BRINP3: variants seen among roughly 807,000 people sequenced by gnomAD.
The protein encoded by BRINP3 is BMP/retinoic acid-inducible neural-specific protein 3.
Under a neutral mutation model 71.0 loss-of-function variants are expected in BRINP3, and 19 were observed. The observed-to-expected ratio is 0.27, with a 90% CI of 0.19 to 0.39. The LOEUF (loss-of-function observed/expected upper bound fraction) is 0.39. Among genes scored for constraint, BRINP3 ranks in the 10% least tolerant of loss-of-function variants. BRINP3 has a pLI of 1.00. For missense variants in BRINP3, 959 were observed against 940.8 expected, an observed-to-expected ratio of 1.02 and a Z score of -0.25; for synonymous variants, 380 against 337.7, an observed-to-expected ratio of 1.13 and a Z score of -1.37.
At chr1:190,387,249 T>C (rs902219375) in intron 2 of BRINP3, among the ~76,000 whole-genome samples, 1 of 152,026 alleles carries the variant, frequency 6.6e-6, no homozygotes, top group Non-Finnish European at 1.5e-5. Flanking sequence ...TTTTTGGATA[T>C]AATTGCTAGA....
intron 2 of BRINP3, among the ~76,000 whole-genome samples, chr1:190,380,455 G>T (rs374630768): frequency 3.3e-5 from 5 of 152,158 alleles, no homozygotes; most frequent in Non-Finnish European, 7.4e-5. Flanking sequence ...TGGAATGGAC[G>T]TCTGAAGGGA....
At chr1:190,375,833 T>A in intron 2 of BRINP3, among the ~76,000 whole-genome samples, 1 of 151,988 alleles carries the variant, frequency 6.6e-6, no homozygotes, top group Non-Finnish European at 1.5e-5. Context: ...TTTTCACTAT[T>A]TTGAGGACAT....
intron 2 of BRINP3, among the ~76,000 whole-genome samples, chr1:190,405,825 G>C (rs1165104540): frequency 2.0e-5 from 3 of 152,158 alleles, no homozygotes; most frequent in Non-Finnish European, 4.4e-5. Context: ...AACTGTGTAA[G>C]AACAGACAAG....
intron 2 of BRINP3, among the ~76,000 whole-genome samples, chr1:190,361,889 C>T (rs909584732): frequency 2.6e-5 from 4 of 151,976 alleles, no homozygotes; most frequent in South Asian, 2.1e-4. Flanking sequence ...TCCCAAAATT[C>T]GTATGTTGAA....
intron 7 of BRINP3, among the ~76,000 whole-genome samples, chr1:190,132,029 G>T (rs182904122): frequency 6.6e-6 from 1 of 151,972 alleles, no homozygotes; most frequent in African/African-American, 2.4e-5. Context: ...TGAAATGAAA[G>T]TTTGCCAATT....
chr1:190,276,446 A>G (rs2102916740), intron 3 of BRINP3, among the ~76,000 whole-genome samples: 1 of 151,798 alleles, frequency 6.6e-6, no homozygotes, highest in East Asian at 1.9e-4. Context: ...TTAAATGAGC[A>G]TATTCAGAGT....
At chr1:190,373,998 C>A (rs1183689345) in intron 2 of BRINP3, among the ~76,000 whole-genome samples, 2 of 151,228 alleles carry the variant, frequency 1.3e-5, no homozygotes, top group African/African-American at 2.4e-5. Flanking sequence ...GGGTTTGAAT[C>A]CTAAAGTGGG....
chr1:190,225,966 T>C (rs900045294), intron 6 of BRINP3, 116 bp downstream of exon 6: 8 of 713,848 alleles, frequency 1.1e-5, no homozygotes, highest in Middle Eastern at 3.9e-4. Flanking sequence ...TTTGAAAGAA[T>C]AAAAAAATGA....
At chr1:190,453,201 GTATTTTTTT>G (rs1675742168) in intron 2 of BRINP3, among the ~76,000 whole-genome samples, 2 of 37,856 alleles carry the variant, frequency 5.3e-5, no homozygotes, top group Admixed American at 2.9e-4. Context: ...AAAAACTTTA[GTATTTTTTT>G]TTTTTTTTTT....
chr1:190,140,960 AT>A lies in BRINP3; in HGVS notation c.1184+19707del, dbSNP rs199697647. ...GGGAAAACTTACAAACAGAGAGGCT[AT>A]TTTTTAAAATCTTTGATGCTAATTC... On this transcript the variant is annotated intron_variant, in intron 7 of 7. Transcript: ENST00000367462. Among the ~76,000 whole-genome samples the A allele has an allele frequency of 1.3e-4, 20 of 152,122 alleles. 1 individual carries two copies. Among genetic ancestry groups the A allele is most frequent in the African/African-American group, 4.8e-4 (20 of 41,412 alleles).
At chr1:190,182,879 A>G (rs1051347181) in intron 6 of BRINP3, among the ~76,000 whole-genome samples, 2 of 152,126 alleles carry the variant, frequency 1.3e-5, no homozygotes, top group Non-Finnish European at 2.9e-5. Context: ...TGAGGGATAC[A>G]CTTCTTCCTT....
At chr1:190,453,638 C>T (rs1447985913) in intron 2 of BRINP3, among the ~76,000 whole-genome samples, 5 of 152,102 alleles carry the variant, frequency 3.3e-5, no homozygotes, top group African/African-American at 4.8e-5. Context: ...TTGTGTGGTG[C>T]TTCATGGAAC....
chr1:190,405,712 C>A (rs1266225029), intron 2 of BRINP3, among the ~76,000 whole-genome samples: 4 of 152,054 alleles, frequency 2.6e-5, no homozygotes, highest in Admixed American at 2.0e-4. Context: ...CAAAAACACA[C>A]AATAATATTG....
chr1:190,177,902 T>G (rs1156686109), intron 6 of BRINP3, among the ~76,000 whole-genome samples: 1 of 152,202 alleles, frequency 6.6e-6, no homozygotes, highest in Non-Finnish European at 1.5e-5. Context: ...GTACTGTACA[T>G]GTACAAACTT....
intron 2 of BRINP3, among the ~76,000 whole-genome samples, chr1:190,412,029 G>C (rs1384913330): frequency 6.6e-6 from 1 of 152,038 alleles, no homozygotes; most frequent in Non-Finnish European, 1.5e-5. Context: ...TGTAACCTAT[G>C]TTTGACATGC....
At chr1:190,181,499 T>G (rs1276083154) in intron 6 of BRINP3, among the ~76,000 whole-genome samples, 1 of 152,060 alleles carries the variant, frequency 6.6e-6, no homozygotes, top group African/African-American at 2.4e-5. Context: ...TAAAATTTTC[T>G]TAAAATTTTA....
chr1:190,141,159 A>G (rs2102388679), intron 7 of BRINP3, among the ~76,000 whole-genome samples: 2 of 152,234 alleles, frequency 1.3e-5, no homozygotes, highest in Middle Eastern at 6.8e-3. Flanking sequence ...ATACTCTTGC[A>G]GACTGTACCT....
At chr1:190,412,795 T>C (rs994158596) in intron 2 of BRINP3, among the ~76,000 whole-genome samples, 12 of 152,198 alleles carry the variant, frequency 7.9e-5, no homozygotes, top group African/African-American at 2.6e-4. Context: ...AACCACACTA[T>C]ACATTTTTGG....
chr1:190,241,793 A>G (rs968080041), intron 4 of BRINP3, among the ~76,000 whole-genome samples: 7 of 151,810 alleles, frequency 4.6e-5, no homozygotes, highest in Non-Finnish European at 8.8e-5. Context: ...GTTACCACAC[A>G]TATAAGATCT....
Sources: allele counts gnomAD v4.1 joint callset (sites outside exome capture counted in the v4.1 genomes callset), GRCh38; gene constraint gnomAD v4.1.1; transcripts MANE v1.5; gene names NCBI Gene and HGNC (gene_info 2026-07-23, HGNC 2026-07-21).